SS18: variants seen among roughly 807,000 people sequenced by gnomAD.
SS18 encodes protein SSXT.
In SS18, 28 loss-of-function variants were observed where a neutral mutation model predicts 72.5. The ratio of observed to expected loss-of-function variants is 0.39; its 90% CI spans 0.29 to 0.53. The LOEUF (loss-of-function observed/expected upper bound fraction) is 0.53. Ranked by LOEUF, SS18 falls within the 20% of genes least tolerant of loss-of-function variation. The pLI, the probability that SS18 is intolerant of heterozygous loss-of-function variation, is 0.76. For synonymous variants in SS18, 172 were observed against 164.2 expected, an observed-to-expected ratio of 1.05 and a Z score of -0.37; for missense variants, 518 against 535.3, an observed-to-expected ratio of 0.97 and a Z score of 0.32.
At chr18:26,050,840 C>T (rs1025421921) in intron 5 of SS18, among the ~76,000 whole-genome samples, 4 of 152,156 alleles carry the variant, frequency 2.6e-5, no homozygotes, top group Admixed American at 1.3e-4. Flanking sequence ...ACCCGGGAGG[C>T]GGAGCTTGCA....
intron 9 of SS18, among the ~76,000 whole-genome samples, chr18:26,033,042 A>G (rs565133783): frequency 3.0e-4 from 46 of 152,366 alleles, no homozygotes; most frequent in African/African-American, 1.1e-3. Context: ...TGTTACCAAA[A>G]TATTTTAAAA....
chr18:26,070,909 A>G (rs1286057161), intron 3 of SS18, among the ~76,000 whole-genome samples: 2 of 152,198 alleles, frequency 1.3e-5, no homozygotes, highest in African/African-American at 2.4e-5. Flanking sequence ...CTCAGCAAAG[A>G]GCAGAAAATA....
At chr18:26,037,697 A>G (rs1310390568) in intron 7 of SS18, among the ~76,000 whole-genome samples, 2 of 152,122 alleles carry the variant, frequency 1.3e-5, no homozygotes, top group Non-Finnish European at 2.9e-5. Context: ...TCAGTAATTT[A>G]TATTTACATC....
At position 26,018,264 on chromosome 18, in the gene SS18, G is replaced by A. The variant is rs2053283092; in HGVS notation, c.*90C>T. 86 of 1,129,222 alleles carry A rather than the reference G, an allele frequency of 7.6e-5. 1 individual carries two copies. The South Asian group carries it at 1.1e-3, about 15-fold the overall frequency. 70.0% of individuals were successfully genotyped at this position (1,129,222 alleles called of 1,614,324 possible). A position where few individuals can be genotyped will look rare whatever the true frequency, so the allele number is the denominator to read the frequency against. On this transcript the variant is annotated 3_prime_UTR_variant, in exon 11 of 11. Coordinates refer to ENST00000415083, the MANE Select transcript of SS18 (RefSeq NM_001007559.3). ...GGTTTTTCCAAAAACTAGATGGAAT[G>A]GAAGGATCTCTTCACAGGGAGGTGT...
At chr18:26,065,136 T>C (rs1438062352) in intron 3 of SS18, among the ~76,000 whole-genome samples, 2 of 152,124 alleles carry the variant, frequency 1.3e-5, no homozygotes. Context: ...AATAATATTG[T>C]AGAGGATAAT....
intron 3 of SS18, among the ~76,000 whole-genome samples, chr18:26,063,968 AAAGGAAAAT>A (rs2054169911): frequency 2.0e-5 from 3 of 152,170 alleles, no homozygotes; most frequent in Admixed American, 2.0e-4. Context: ...ATGGACAGTA[AAAGGAAAAT>A]AAGGGGATAT....
chr18:26,025,842 A>G (rs1007486306), intron 10 of SS18, among the ~76,000 whole-genome samples: 2 of 151,838 alleles, frequency 1.3e-5, no homozygotes, highest in Non-Finnish European at 2.9e-5. Flanking sequence ...CAGTAACAAA[A>G]CCAGACAAAC....
intron 3 of SS18, among the ~76,000 whole-genome samples, chr18:26,058,937 AC>A (rs765797975): frequency 6.6e-6 from 1 of 152,176 alleles, no homozygotes; most frequent in East Asian, 1.9e-4. Flanking sequence ...ATATTATCTA[AC>A]TTTTAATCAT....
In SS18 at chr18:26,039,381, T is replaced by G. The variant is rs1443179609; in HGVS notation, c.683A>C (p.Gln228Pro). Residue 228 changes from glutamine (Q) to proline (P), a missense_variant, in exon 6 of 11, where the codon CAG becomes CCG. Transcript: ENST00000415083. ...ACCCATCATTCCCATAGGTGGCTGCTGTCCTTGGTAATGCTGTCCGCCTCC... is the reference window on the plus strand; with the variant it reads ...ACCCATCATTCCCATAGGTGGCTGCGGTCCTTGGTAATGCTGTCCGCCTCC... ...PQGGGQHYQGQQPPMGMMGQV... is the reference protein window; with the variant it reads ...PQGGGQHYQGPQPPMGMMGQV... 1 of 1,613,824 alleles carries G rather than the reference T, an allele frequency of 6.2e-7. No homozygotes were observed. The highest frequency in any genetic ancestry group is 8.5e-7 in the Non-Finnish European group (1 of 1,179,896).
At chr18:26,071,946 G>A (rs200867260) in intron 3 of SS18, among the ~76,000 whole-genome samples, 1 of 151,990 alleles carries the variant, frequency 6.6e-6, no homozygotes, top group African/African-American at 2.4e-5. Context: ...AAATACTAAG[G>A]AATGTTCTTT....
At chr18:26,063,144 G>C (rs2054153009) in intron 3 of SS18, among the ~76,000 whole-genome samples, 1 of 152,136 alleles carries the variant, frequency 6.6e-6, no homozygotes, top group South Asian at 2.1e-4. Flanking sequence ...AATATCAAAA[G>C]ATTGAAATCA....
chr18:26,081,880 A>G (rs762818010), intron 2 of SS18, among the ~76,000 whole-genome samples: 3 of 152,086 alleles, frequency 2.0e-5, no homozygotes, highest in Non-Finnish European at 4.4e-5. Flanking sequence ...CAACAAAGTG[A>G]GACCCTATCC....
chr18:26,069,564 A>G (rs1314739090), intron 3 of SS18, among the ~76,000 whole-genome samples: 3 of 151,658 alleles, frequency 2.0e-5, no homozygotes, highest in Admixed American at 2.0e-4. Context: ...CCCTCAGCCC[A>G]GATCGATTTA....
At position 26,060,855 on chromosome 18, in the gene SS18, C is replaced by T. The variant is rs79870559; in HGVS notation, c.232-3113G>A. Among the ~76,000 whole-genome samples the T allele has an allele frequency of 4.9e-3, 679 of 137,334 alleles. 3 individuals are homozygous for T. The highest frequency in any genetic ancestry group is 0.016 in the African/African-American group (598 of 38,084). 90.1% of individuals were successfully genotyped at this position (137,334 alleles called of 152,430 possible). On this transcript the variant is annotated intron_variant, in intron 3 of 10. Coordinates refer to ENST00000415083, the MANE Select transcript of SS18 (RefSeq NM_001007559.3). ...CCTGTAGTCCCTGATACTTGGGAGG[C>T]TGAGAAACGAGAATCGCTTGCACCT... is the stretch of plus-strand genomic sequence containing the variant.
At chr18:26,057,232 T>C (rs1233984769) in intron 4 of SS18, among the ~76,000 whole-genome samples, 1 of 152,160 alleles carries the variant, frequency 6.6e-6, no homozygotes, top group Non-Finnish European at 1.5e-5. Flanking sequence ...AAATAAAAAC[T>C]CAGGGAAATG....
intron 2 of SS18, among the ~76,000 whole-genome samples, chr18:26,085,619 C>A (rs1004191517): frequency 6.6e-6 from 1 of 152,012 alleles, no homozygotes; most frequent in African/African-American, 2.4e-5. Context: ...TGTAAATACA[C>A]AGAAAAATGT....
chr18:26,063,207 G>A lies in SS18; in HGVS notation c.232-5465C>T, dbSNP rs115732420. On this transcript the variant is annotated intron_variant, in intron 3 of 10. Transcript: ENST00000415083. ...GAATTAAATTAGAAATCAGTAGGCC[G>A]GGCACAGTGGAATTAAATTAGAAAT... Among the ~76,000 whole-genome samples, 1,089 of 143,458 alleles carry A rather than the reference G, an allele frequency of 7.6e-3. 15 individuals carry two copies. The highest frequency in any genetic ancestry group is 0.031 in the African/African-American group (1,027 of 33,236). 94.1% of individuals were successfully genotyped at this position (143,458 alleles called of 152,430 possible).
chr18:26,064,899 TATA>T (rs1435579584), intron 3 of SS18: 1 of 152,058 alleles, frequency 6.6e-6, no homozygotes, highest in African/African-American at 2.4e-5. Context: ...AATAAGTGAA[TATA>T]ATAACTAAGG....
At chr18:26,046,191 CAAAAAAA>C (rs760639087) in intron 5 of SS18, among the ~76,000 whole-genome samples, 1 of 45,068 alleles carries the variant, frequency 2.2e-5, no homozygotes, top group Non-Finnish European at 6.2e-5. Context: ...GACTCCGTCT[CAAAAAAA>C]AAAAAAAAAA....
Sources: allele counts gnomAD v4.1 joint callset (sites outside exome capture counted in the v4.1 genomes callset), GRCh38; gene constraint gnomAD v4.1.1; transcripts MANE v1.5; gene names NCBI Gene and HGNC (gene_info 2026-07-23, HGNC 2026-07-21).